TMTC3: variants seen among roughly 807,000 people sequenced by gnomAD.
The protein encoded by TMTC3 is protein O-mannosyl-transferase TMTC3.
TMTC3 carries 52 observed loss-of-function variants against 92.2 expected under a neutral mutation model. That is an observed-to-expected ratio of 0.56 (90% confidence interval 0.45 to 0.71). The LOEUF (loss-of-function observed/expected upper bound fraction) is 0.71, where lower values mean the gene tolerates loss of function less well. Among genes scored for constraint, TMTC3 ranks in the 30% least tolerant of loss-of-function variants. The pLI, the probability that TMTC3 is intolerant of heterozygous loss-of-function variation, is 0.00. For synonymous variants in TMTC3, 339 were observed against 363.3 expected (o/e 0.93, Z 0.76); for missense variants, 896 against 1,057.1 (o/e 0.85, Z 2.11).
At chr12:88,179,191 T>G (rs2041290443) in intron 10 of TMTC3, among the ~76,000 whole-genome samples, 1 of 152,196 alleles carries the variant, frequency 6.6e-6, no homozygotes, top group African/African-American at 2.4e-5. Flanking sequence ...CATCTGAGGT[T>G]TCTTGGCTTA....
chr12:88,195,740 GT>G lies in TMTC3; in HGVS notation c.*93del. 1 of 1,055,538 alleles carries G rather than the reference GT, an allele frequency of 9.5e-7. No individual in the cohort carries two copies. 65.4% of individuals were successfully genotyped at this position (1,055,538 alleles called of 1,614,324 possible). On this transcript the variant is annotated 3_prime_UTR_variant, in exon 14 of 14. Coordinates refer to ENST00000266712, the MANE Select transcript of TMTC3 (RefSeq NM_181783.4). Reference sequence around the variant, plus strand: ...GGGAGCTTTGAAAAAAAGTTCAAGGGTTCCTAATGGTCAATCATGAGCTGCC... The same window carrying G: ...GGGAGCTTTGAAAAAAAGTTCAAGGGTCCTAATGGTCAATCATGAGCTGCC...
At chr12:88,167,526 A>G (rs1255275379) in intron 7 of TMTC3, among the ~76,000 whole-genome samples, 1 of 152,246 alleles carries the variant, frequency 6.6e-6, no homozygotes, top group Admixed American at 6.5e-5. Context: ...TGTAGCTGCT[A>G]GATTGATTTA....
At chr12:88,172,534 T>G (rs1326149981) in intron 7 of TMTC3, 63 bp from the exon 8 acceptor site, 2 of 999,956 alleles carry the variant, frequency 2.0e-6, no homozygotes, top group Non-Finnish European at 2.6e-6. Flanking sequence ...ATATATTTCT[T>G]AATTTATTAT....
At chr12:88,162,666 T>C (rs773820509) in intron 6 of TMTC3, among the ~76,000 whole-genome samples, 1 of 152,188 alleles carries the variant, frequency 6.6e-6, no homozygotes, top group African/African-American at 2.4e-5. Flanking sequence ...TATCTCTACA[T>C]GTTCTATTGC....
chr12:88,157,367 C>G (rs902927909), intron 4 of TMTC3, among the ~76,000 whole-genome samples: 1 of 151,296 alleles, frequency 6.6e-6, no homozygotes, highest in Non-Finnish European at 1.5e-5. Context: ...AGTTGTAATT[C>G]TTTATATTCA....
chr12:88,174,781 C>T (rs1163725559), intron 9 of TMTC3, 54 bp downstream of exon 9: 1 of 1,603,070 alleles, frequency 6.2e-7, no homozygotes, highest in South Asian at 1.1e-5. Flanking sequence ...TTTCTTGGAA[C>T]AATTTCTAAG....
Position 88,197,259 on chromosome 12 carries a change from A to ATTTTT in TMTC3, c.*1631_*1635dup, listed in dbSNP as rs60468231. On this transcript the variant is annotated 3_prime_UTR_variant, in exon 14 of 14. Coordinates refer to ENST00000266712, the MANE Select transcript of TMTC3 (RefSeq NM_181783.4). ...TAGGTTCCCTAAGGATCTGCCATAG[A>ATTTTT]TTTTTTTTTTTTTTTTTTTTTTTTT... 9.0e-6 allele frequency: 1 copy of ATTTTT among 110,598 alleles called. No individual in the cohort carries two copies. Among genetic ancestry groups the ATTTTT allele is most frequent in the Non-Finnish European group, 1.8e-5 (1 of 55,996 alleles). 6.9% of individuals were successfully genotyped at this position (110,598 alleles called of 1,614,324 possible). A position where few individuals can be genotyped will look rare whatever the true frequency, so the allele number is the denominator to read the frequency against.
At chr12:88,148,059 C>G (rs187685962) in intron 1 of TMTC3, among the ~76,000 whole-genome samples, 1 of 152,208 alleles carries the variant, frequency 6.6e-6, no homozygotes, top group Admixed American at 6.5e-5. Flanking sequence ...TTGGCTTTAT[C>G]CCGTAAGAGA....
intron 4 of TMTC3, 73 bp downstream of exon 4, chr12:88,154,460 G>T: frequency 9.8e-7 from 1 of 1,020,276 alleles, no homozygotes; most frequent in Non-Finnish European, 1.4e-6. Flanking sequence ...TACTCCAAGT[G>T]CTTCTTATAA....
chr12:88,184,151 A>AG (rs988059940), intron 10 of TMTC3, among the ~76,000 whole-genome samples: 2 of 152,124 alleles, frequency 1.3e-5, no homozygotes, highest in African/African-American at 4.8e-5. Flanking sequence ...CACCAACAAG[A>AG]GAGTGCAGCA....
intron 1 of TMTC3, among the ~76,000 whole-genome samples, chr12:88,142,707 C>A (rs2040759500): frequency 6.6e-6 from 1 of 152,306 alleles, no homozygotes; most frequent in Admixed American, 6.5e-5. Flanking sequence ...CAGAATCTGT[C>A]TTGATAGTTA....
chr12:88,168,340 T>A (rs913789104), intron 7 of TMTC3, among the ~76,000 whole-genome samples: 31 of 150,420 alleles, frequency 2.1e-4, no homozygotes, highest in African/African-American at 7.3e-4. Flanking sequence ...CCTGTAGGAA[T>A]AATTTAACTT....
intron 1 of TMTC3, among the ~76,000 whole-genome samples, chr12:88,145,394 A>G (rs2138351093): frequency 6.6e-6 from 1 of 152,348 alleles, no homozygotes; most frequent in East Asian, 1.9e-4. Flanking sequence ...AATACAATTT[A>G]CAGTTTTATT....
intron 12 of TMTC3, among the ~76,000 whole-genome samples, chr12:88,191,774 A>G (rs953534470): frequency 4.0e-5 from 6 of 151,200 alleles, no homozygotes; most frequent in African/African-American, 1.5e-4. Flanking sequence ...CAGTGGTGTG[A>G]TCTCGGCTAA....
Position 88,148,450 on chromosome 12 carries a change from T to C in TMTC3, c.135T>C (p.Ser45=), listed in dbSNP as rs754376865. 5 of 1,613,170 alleles carry C rather than the reference T, an allele frequency of 3.1e-6. No individual in the cohort carries two copies. Among genetic ancestry groups the C allele is most frequent in the Middle Eastern group, 1.7e-4 (1 of 6,036 alleles). The change falls in exon 2 of 14, where the codon TCT becomes TCC. Residue 45 remains serine (S), a synonymous_variant. Transcript: ENST00000266712. ...TGGATAACAAAGACTTGCATCCATC[T>C]ACACCTTTAAAAACTTTATTTCAAA... The part of the protein sequence containing the change: ...AILDNKDLHP[S]TPLKTLFQND...
intron 10 of TMTC3, among the ~76,000 whole-genome samples, chr12:88,181,612 C>A (rs927216114): frequency 8.6e-5 from 13 of 152,022 alleles, no homozygotes; most frequent in African/African-American, 3.1e-4. Flanking sequence ...GTACATTGAT[C>A]CAGCAATTGC....
chr12:88,169,494 A>AT (rs983798153), intron 7 of TMTC3, among the ~76,000 whole-genome samples: 32 of 151,938 alleles, frequency 2.1e-4, no homozygotes, highest in Non-Finnish European at 3.4e-4. Flanking sequence ...TAAAGGTGCT[A>AT]TTTTTTTTAT....
intron 6 of TMTC3, among the ~76,000 whole-genome samples, chr12:88,164,985 A>G (rs1162716545): frequency 6.6e-6 from 1 of 152,100 alleles, no homozygotes; most frequent in East Asian, 1.9e-4. Flanking sequence ...TTGTTTATAT[A>G]AGACTTCGGA....
At position 88,195,185 on chromosome 12, in the gene TMTC3, G is replaced by A. The variant is rs371632026; in HGVS notation, c.2281G>A (p.Glu761Lys). 5.6e-5 allele frequency: 91 copies of A among 1,613,812 alleles called. 3 individuals are homozygous for A. In the South Asian group the frequency reaches 8.0e-4, roughly 14 times the overall value. ...TATACTAGGAGCAAAAAAATGTTTT[G>A]AAAGGATTTTGGAGATGGATCCAAG... The part of the protein sequence containing the change: ...KDILGAKKCF[E>K]RILEMDPSNV... The change falls in exon 14 of 14, where the codon GAA (glutamate) becomes AAA (lysine). Residue 761 changes from glutamate to lysine, a missense_variant. Physicochemically the swap from Glu to Lys is moderately conservative, Grantham distance 56 (BLOSUM62 1). Coordinates refer to ENST00000266712, the MANE Select transcript of TMTC3 (RefSeq NM_181783.4).
Sources: gnomAD v4.1 joint callset for allele counts (sites outside exome capture counted in the v4.1 genomes callset) on GRCh38, gnomAD v4.1.1 for gene constraint, MANE v1.5 for transcripts, NCBI Gene and HGNC (gene_info 2026-07-23, HGNC 2026-07-21) for gene names.